Variants in GAREM1 observed in about 807,000 individuals in gnomAD.
The protein encoded by GAREM1 is GRB2 associated regulator of MAPK1 subtype 1.
Under a neutral mutation model 71.3 loss-of-function variants are expected in GAREM1, and 26 were observed. That is an observed-to-expected ratio of 0.36 (90% CI 0.27 to 0.51). The LOEUF is 0.51. GAREM1 is among the 20% of genes least tolerant of loss of function. The pLI is 0.95. For missense variants in GAREM1, 1,026 were observed against 1,103.1 expected (o/e 0.93, Z 0.99); for synonymous variants, 440 against 433.2 (o/e 1.02, Z -0.20).
chr18:32,365,712 A>G, intron 2 of GAREM1, among the ~76,000 whole-genome samples: 1 of 152,190 alleles, frequency 6.6e-6, no homozygotes, highest in Non-Finnish European at 1.5e-5. Flanking sequence ...GCATCTTCCA[A>G]CTCTGCCACC....
intron 1 of GAREM1, among the ~76,000 whole-genome samples, chr18:32,399,982 C>T (rs1290403134): frequency 8.6e-5 from 13 of 152,036 alleles, no homozygotes; most frequent in African/African-American, 2.4e-4. Flanking sequence ...GAGATATAGA[C>T]CAATGGAACA....
chr18:32,298,927 C>T (rs377178462), intron 3 of GAREM1, among the ~76,000 whole-genome samples: 1 of 152,076 alleles, frequency 6.6e-6, no homozygotes, highest in African/African-American at 2.4e-5. Context: ...AAATGTTAAT[C>T]CTAAATGGTG....
At chr18:32,405,174 T>C (rs887067544) in intron 1 of GAREM1, among the ~76,000 whole-genome samples, 1 of 152,138 alleles carries the variant, frequency 6.6e-6, no homozygotes, top group Non-Finnish European at 1.5e-5. Context: ...CCCAAACCAC[T>C]GTACTTCTCT....
chr18:32,284,519 C>G (rs2046989300), intron 4 of GAREM1, among the ~76,000 whole-genome samples: 1 of 152,170 alleles, frequency 6.6e-6, no homozygotes, highest in African/African-American at 2.4e-5. Flanking sequence ...TACCTCTAGA[C>G]TTGGTTACAT....
intron 1 of GAREM1, among the ~76,000 whole-genome samples, chr18:32,425,841 C>G (rs2048569462): frequency 6.6e-6 from 1 of 150,430 alleles, no homozygotes; most frequent in Non-Finnish European, 1.5e-5. Context: ...GTTCAGCCTT[C>G]TTTTCTTGAC....
chr18:32,342,008 C>CA (rs887131565), intron 2 of GAREM1, among the ~76,000 whole-genome samples: 1 of 149,230 alleles, frequency 6.7e-6, no homozygotes, highest in African/African-American at 2.5e-5. Flanking sequence ...TGCAGGCCAC[C>CA]AAAAAAGAAA....
chr18:32,440,542 T>G (rs561490059), intron 1 of GAREM1, among the ~76,000 whole-genome samples: 1 of 152,346 alleles, frequency 6.6e-6, no homozygotes, highest in East Asian at 1.9e-4. Flanking sequence ...AGCCTTTGAT[T>G]TTGTTCCTTC....
intron 2 of GAREM1, among the ~76,000 whole-genome samples, chr18:32,376,693 C>T (rs1318067419): frequency 6.6e-6 from 1 of 152,086 alleles, no homozygotes. Context: ...CAAAAATTAG[C>T]CAGGCGTGGT....
chr18:32,358,882 C>G (rs143345341), intron 2 of GAREM1, among the ~76,000 whole-genome samples: 2 of 152,236 alleles, frequency 1.3e-5, no homozygotes, highest in African/African-American at 4.8e-5. Context: ...AAAACGAAAA[C>G]GTGGGTTCTC....
intron 2 of GAREM1, among the ~76,000 whole-genome samples, chr18:32,348,674 G>T (rs112896350): frequency 1.3e-5 from 2 of 152,274 alleles, no homozygotes; most frequent in South Asian, 4.1e-4. Flanking sequence ...CAGTGAGCAA[G>T]ATCGTGCCAC....
At chr18:32,270,897 G>GTTTTTTTTTTT (rs58914123) in intron 4 of GAREM1, among the ~76,000 whole-genome samples, 5 of 92,596 alleles carry the variant, frequency 5.4e-5, no homozygotes, top group Non-Finnish European at 7.8e-5. Context: ...GTTCAGGGAT[G>GTTTTTTTTTTT]TTTTTTTTTT....
intron 1 of GAREM1, among the ~76,000 whole-genome samples, chr18:32,437,187 G>A (rs1419886045): frequency 6.6e-6 from 1 of 152,156 alleles, no homozygotes; most frequent in African/African-American, 2.4e-5. Flanking sequence ...ACCAGACAGA[G>A]CCAGGAGACG....
chr18:32,359,783 G>A (rs1259010751), intron 2 of GAREM1, among the ~76,000 whole-genome samples: 1 of 152,040 alleles, frequency 6.6e-6, no homozygotes, highest in East Asian at 1.9e-4. Flanking sequence ...AAAATTAGCT[G>A]GATGTGGTGG....
chr18:32,312,052 T>G (rs918786559), intron 2 of GAREM1, among the ~76,000 whole-genome samples: 4 of 151,948 alleles, frequency 2.6e-5, no homozygotes, highest in African/African-American at 9.7e-5. Context: ...CAGGACAGCT[T>G]TGGAGGGTGA....
intron 2 of GAREM1, among the ~76,000 whole-genome samples, chr18:32,348,553 A>G (rs1041409046): frequency 1.3e-5 from 2 of 152,116 alleles, no homozygotes; most frequent in Non-Finnish European, 2.9e-5. Flanking sequence ...GTGAAACGCC[A>G]TCTCTACTAA....
At chr18:32,436,783 A>C (rs564508221) in intron 1 of GAREM1, among the ~76,000 whole-genome samples, 1 of 152,332 alleles carries the variant, frequency 6.6e-6, no homozygotes, top group Admixed American at 6.5e-5. Flanking sequence ...AGATTTATTT[A>C]TTCTGAGTAT....
At chr18:32,460,319 GTCT>G (rs1166343346) in intron 1 of GAREM1, among the ~76,000 whole-genome samples, 2 of 152,120 alleles carry the variant, frequency 1.3e-5, no homozygotes, top group African/African-American at 4.8e-5. Flanking sequence ...TAACTAAAGT[GTCT>G]TCATAACTAT....
intron 2 of GAREM1, among the ~76,000 whole-genome samples, chr18:32,370,853 T>C (rs1405485119): frequency 1.3e-5 from 2 of 152,224 alleles, no homozygotes; most frequent in Admixed American, 6.5e-5. Flanking sequence ...TCTTTATATA[T>C]ATACAGCCTA....
chr18:32,404,874 T>A lies in GAREM1; in HGVS notation c.122-11839A>T, dbSNP rs533237353. On this transcript the variant is annotated intron_variant, in intron 1 of 5. Coordinates refer to ENST00000269209, the MANE Select transcript of GAREM1 (RefSeq NM_001242409.2). ...TTTCTTAGTACATATATAATAAGAATCAGATTGGCTGAACTTGATATTGTT... is the reference window on the plus strand; with the variant it reads ...TTTCTTAGTACATATATAATAAGAAACAGATTGGCTGAACTTGATATTGTT... Among the ~76,000 whole-genome samples, 7 of 152,320 alleles carry A rather than the reference T, an allele frequency of 4.6e-5. No homozygotes were observed. In the South Asian group the frequency reaches 1.4e-3, roughly 32 times the overall value.
Sources: allele counts gnomAD v4.1 joint callset (sites outside exome capture counted in the v4.1 genomes callset), GRCh38; gene constraint gnomAD v4.1.1; transcripts MANE v1.5; gene names NCBI Gene and HGNC (gene_info 2026-07-23, HGNC 2026-07-21).